The following NBAS variants were observed in gnomAD, a reference collection of about 807,000 sequenced individuals.
NBAS encodes NBAS subunit of NRZ tethering complex, also known as NAG/BC035112 fusion.
In NBAS, 219 loss-of-function variants were observed where a neutral mutation model predicts 302.5. The observed-to-expected ratio is 0.72, with a 90% CI of 0.65 to 0.81. NBAS has a LOEUF of 0.81. Ranked by LOEUF, NBAS falls within the 30% of genes least tolerant of loss-of-function variation. The pLI is 0.00. For missense variants in NBAS, 2,932 were observed against 2,841.6 expected (o/e 1.03, Z -0.72); for synonymous variants, 1,118 against 1,021.6 (o/e 1.09, Z -1.80).
chr2:15,099,937 A>G, the NBAS span, among the ~76,000 whole-genome samples: 2 of 152,240 alleles, frequency 1.3e-5, no homozygotes, highest in African/African-American at 4.8e-5. Flanking sequence ...CAGTGGGGAA[A>G]TCTAGGGGGA....
At chr2:15,034,260 G>GAAAGAAAC in the NBAS span, among the ~76,000 whole-genome samples, 147 of 98,146 alleles carry the variant, frequency 1.5e-3, 9 homozygotes, top group South Asian at 0.012. Context: ...AAGAAAGAAA[G>GAAAGAAAC]AAAGAAAGAA....
At chr2:15,429,861 A>G (rs546434127) in intron 21 of NBAS, among the ~76,000 whole-genome samples, 1 of 152,326 alleles carries the variant, frequency 6.6e-6, no homozygotes, top group East Asian at 1.9e-4. Context: ...CCAAATAAAA[A>G]ACTATTTTAT....
chr2:14,982,085 C>A, the NBAS span, among the ~76,000 whole-genome samples: 1 of 152,170 alleles, frequency 6.6e-6, no homozygotes, highest in African/African-American at 2.4e-5. Context: ...TTTTAAAAAG[C>A]TCACTCTTCA....
At chr2:15,159,281 T>C in the NBAS span, among the ~76,000 whole-genome samples, 11 of 152,324 alleles carry the variant, frequency 7.2e-5, no homozygotes, top group East Asian at 2.1e-3. Flanking sequence ...CTCAGGCCTA[T>C]GCTGTCCAGA....
the NBAS span, among the ~76,000 whole-genome samples, chr2:14,912,726 A>G: frequency 1.4e-5 from 2 of 146,574 alleles, no homozygotes; most frequent in African/African-American, 5.2e-5. Context: ...AAAAAAAAAA[A>G]AAGGAAATCC....
intron 11 of NBAS, among the ~76,000 whole-genome samples, chr2:15,503,162 A>C (rs948640414): frequency 6.6e-6 from 1 of 152,182 alleles, no homozygotes; most frequent in African/African-American, 2.4e-5. Flanking sequence ...ATGGAGTTGT[A>C]ATCTCCCATG....
chr2:15,242,622 T>TA (rs909928232), intron 44 of NBAS, among the ~76,000 whole-genome samples: 16 of 150,470 alleles, frequency 1.1e-4, no homozygotes, highest in Admixed American at 5.4e-4. Flanking sequence ...AAGAAATGAT[T>TA]AAAAAAAAAT....
intron 40 of NBAS, among the ~76,000 whole-genome samples, chr2:15,299,351 A>G (rs1670692922): frequency 6.6e-6 from 1 of 152,250 alleles, no homozygotes; most frequent in Non-Finnish European, 1.5e-5. Flanking sequence ...CCGTAAAAAC[A>G]AAATGTGCAT....
At chr2:15,247,497 C>G (rs1668145809) in intron 44 of NBAS, among the ~76,000 whole-genome samples, 1 of 151,796 alleles carries the variant, frequency 6.6e-6, no homozygotes, top group African/African-American at 2.4e-5. Context: ...ACCATTCAGG[C>G]TCAAAATAAA....
At chr2:15,198,989 T>C (rs1298330734) in intron 48 of NBAS, among the ~76,000 whole-genome samples, 3 of 151,752 alleles carry the variant, frequency 2.0e-5, no homozygotes, top group African/African-American at 7.3e-5. Context: ...AGCCGGGCAT[T>C]GGTGACAGGT....
chr2:15,016,473 G>T, the NBAS span, among the ~76,000 whole-genome samples: 1 of 152,062 alleles, frequency 6.6e-6, no homozygotes, highest in Non-Finnish European at 1.5e-5. Flanking sequence ...TAATTGAAGA[G>T]ACTATAAAAG....
the NBAS span, among the ~76,000 whole-genome samples, chr2:15,002,836 GC>G: frequency 6.6e-6 from 1 of 152,176 alleles, no homozygotes; most frequent in Non-Finnish European, 1.5e-5. Flanking sequence ...CAAGTGCGGG[GC>G]CCGCCAAGCC....
chr2:15,034,290 A>AAGAAAGAAAG, the NBAS span, among the ~76,000 whole-genome samples: 10 of 96,012 alleles, frequency 1.0e-4, no homozygotes, highest in Non-Finnish European at 2.2e-4. Flanking sequence ...GAAAGAAAGA[A>AAGAAAGAAAG]AGAAAGAAAG....
chr2:14,808,008 T>C, the NBAS span, among the ~76,000 whole-genome samples: 1 of 152,194 alleles, frequency 6.6e-6, no homozygotes, highest in Non-Finnish European at 1.5e-5. Flanking sequence ...TTTTAACACC[T>C]TTTTTACCAT....
chr2:15,543,611 T>C (rs1230333177), intron 6 of NBAS, among the ~76,000 whole-genome samples: 1 of 152,200 alleles, frequency 6.6e-6, no homozygotes, highest in African/African-American at 2.4e-5. Flanking sequence ...CCATCGTGCA[T>C]GGATGGCCTC....
At chr2:15,452,302 G>A (rs1010728044) in intron 21 of NBAS, among the ~76,000 whole-genome samples, 2 of 152,116 alleles carry the variant, frequency 1.3e-5, no homozygotes, top group Non-Finnish European at 2.9e-5. Flanking sequence ...AATTAAAAGT[G>A]TATCATGGCC....
chr2:15,024,381 T>A, the NBAS span, among the ~76,000 whole-genome samples: 1 of 152,222 alleles, frequency 6.6e-6, no homozygotes, highest in Non-Finnish European at 1.5e-5. Flanking sequence ...CTTCTGTCGA[T>A]GGCCATTTAG....
intron 50 of NBAS, among the ~76,000 whole-genome samples, chr2:15,183,926 T>C (rs906373847): frequency 6.6e-6 from 1 of 152,082 alleles, no homozygotes; most frequent in Non-Finnish European, 1.5e-5. Context: ...CCCCTGCAAA[T>C]AAACTTAATG....
intron 35 of NBAS, among the ~76,000 whole-genome samples, chr2:15,331,972 T>C (rs1443904705): frequency 6.6e-6 from 1 of 152,040 alleles, no homozygotes; most frequent in Non-Finnish European, 1.5e-5. Flanking sequence ...AGAGTGAGTG[T>C]CAGAGATAAG....
Sources: allele counts gnomAD v4.1 joint callset (sites outside exome capture counted in the v4.1 genomes callset), GRCh38; gene constraint gnomAD v4.1.1; transcripts MANE v1.5; gene names NCBI Gene and HGNC (gene_info 2026-07-23, HGNC 2026-07-21).